The following SLC37A1 variants were observed in gnomAD, a reference collection of about 807,000 sequenced individuals.
SLC37A1 encodes the protein glucose-6-phosphate exchanger SLC37A1.
SLC37A1 carries 49 observed loss-of-function variants against 75.3 expected under a neutral mutation model. The observed-to-expected ratio is 0.65, with a 90% CI of 0.52 to 0.83. The LOEUF (loss-of-function observed/expected upper bound fraction) is 0.83, where lower values mean the gene tolerates loss of function less well. Among genes scored for constraint, SLC37A1 ranks in the 40% least tolerant of loss-of-function variants. SLC37A1 has a pLI of 0.00. For missense variants in SLC37A1, 566 were observed against 695.0 expected, an observed-to-expected ratio of 0.81 and a Z score of 2.09; for synonymous variants, 268 against 292.1, an observed-to-expected ratio of 0.92 and a Z score of 0.84.
intron 2 of SLC37A1, among the ~76,000 whole-genome samples, chr21:42,525,295 G>A (rs2054758177): frequency 6.6e-6 from 1 of 152,276 alleles, no homozygotes; most frequent in African/African-American, 2.4e-5. Flanking sequence ...GAACCACCCT[G>A]AGAGCCAGTT....
intron 17 of SLC37A1, among the ~76,000 whole-genome samples, chr21:42,571,906 CCGCCCACTG>C (rs1203427290): frequency 3.3e-5 from 5 of 152,194 alleles, no homozygotes; most frequent in African/African-American, 1.2e-4. Context: ...CAGCCTCACT[CCGCCCACTG>C]CGCGGCTTGG....
rs933079488 is a variant in SLC37A1, at chr21:42,545,372, TAGGG to T, written c.731-1727_731-1724del. Among the ~76,000 whole-genome samples the T allele has an allele frequency of 7.8e-4, 119 of 152,330 alleles. No individual in the cohort carries two copies. The highest frequency in any genetic ancestry group is 7.5e-3 in the Admixed American group (115 of 15,304). On this transcript the variant is annotated intron_variant, in intron 8 of 19. Transcript: ENST00000352133. This position sits in a 1 kb window ranked among gnomAD's most constrained non-coding sequence, Gnocchi z 4.0. ...TCTGAGAACAGGAGCTCTTTGCAGA[TAGGG>T]AGGAAACATCAAGTGCCCCTTGGTT...
rs776104698 is a variant in SLC37A1 at position 42,565,816 on chromosome 21, G to A, written c.1222-11G>A. ...AGCCATGGCTTTGACCTTGTGTCTTGATGTCCACAGCTCTACATCTTCTCC... is the reference window on the plus strand; with the variant it reads ...AGCCATGGCTTTGACCTTGTGTCTTAATGTCCACAGCTCTACATCTTCTCC... On this transcript the variant is annotated splice_polypyrimidine_tract_variant and intron_variant, in intron 14 of 19. Coordinates refer to ENST00000352133, the MANE Select transcript of SLC37A1 (RefSeq NM_001320537.2). The A allele has an allele frequency of 1.9e-6, 3 of 1,613,532 alleles. No homozygotes were observed. The highest frequency in any genetic ancestry group is 1.6e-4 in the Middle Eastern group (1 of 6,084).
At chr21:42,580,082 C>T (rs923053400) in intron 19 of SLC37A1, among the ~76,000 whole-genome samples, 3 of 151,916 alleles carry the variant, frequency 2.0e-5, no homozygotes, top group Admixed American at 6.6e-5. Flanking sequence ...CCTTCCTGCT[C>T]GCCCCCTTCT....
intron 19 of SLC37A1, 96 bp from the exon 20 acceptor site, chr21:42,580,249 T>A: frequency 7.0e-7 from 1 of 1,434,280 alleles, no homozygotes; most frequent in African/African-American, 1.4e-5. Context: ...GGCAGCTGGC[T>A]CCCCATAGGA....
intron 3 of SLC37A1, among the ~76,000 whole-genome samples, chr21:42,530,087 G>A (rs2054908634): frequency 6.6e-6 from 1 of 152,196 alleles, no homozygotes; most frequent in Non-Finnish European, 1.5e-5. Context: ...TAATAAGTAG[G>A]TAAAAGTTTG....
At position 42,534,785 on chromosome 21, in the gene SLC37A1, C is replaced by A. The variant is rs780378552; in HGVS notation, c.226C>A (p.His76Asn). 1.9e-6 allele frequency: 3 copies of A among 1,613,884 alleles called. No homozygotes were observed. The highest frequency in any genetic ancestry group is 1.3e-5 in the African/African-American group (1 of 74,918). ...CAGGAAGTCTGGGTCCGCTGCCCCC[C>A]ACCAGCTCCCTGACAATGAGACCGA... Reference protein sequence around the residue: ...QNRKSGSAAPHQLPDNETDCG... With the variant: ...QNRKSGSAAPNQLPDNETDCG... The change falls in exon 4 of 20, where the codon CAC becomes AAC. Residue 76 changes from histidine (H) to asparagine (N), a missense_variant. His to Asn is a moderately conservative substitution (Grantham distance 68). Transcript: ENST00000352133.
At chr21:42,504,853 G>A (rs1241545794) in intron 2 of SLC37A1, among the ~76,000 whole-genome samples, 1 of 152,012 alleles carries the variant, frequency 6.6e-6, no homozygotes, top group Non-Finnish European at 1.5e-5. Flanking sequence ...CTTAATGAAG[G>A]GCCCACTTGC....
At chr21:42,563,363 C>T (rs1288521735) in intron 12 of SLC37A1, among the ~76,000 whole-genome samples, 1 of 152,212 alleles carries the variant, frequency 6.6e-6, no homozygotes, top group Non-Finnish European at 1.5e-5. Context: ...GTTTCCTCTC[C>T]CACACCCGGC....
At chr21:42,503,018 A>G (rs2054353920) in intron 2 of SLC37A1, 2 of 152,208 alleles carry the variant, frequency 1.3e-5, no homozygotes. Context: ...TTTAAAATGC[A>G]TATATATGTC....
chr21:42,555,860 C>T (rs377012182), intron 10 of SLC37A1, among the ~76,000 whole-genome samples: 2 of 152,354 alleles, frequency 1.3e-5, no homozygotes, highest in Admixed American at 6.5e-5. Context: ...CGACCACAAC[C>T]GGGCGCATGC....
chr21:42,539,556 T>A lies in SLC37A1; in HGVS notation c.395T>A (p.Phe132Tyr), dbSNP rs931758756. Residue 132 changes from phenylalanine (F) to tyrosine (Y), a missense_variant, in exon 6 of 20, where the codon TTC becomes TAC. Phe to Tyr is a conservative substitution (Grantham distance 22). Transcript: ENST00000352133. ...CTGCCGATTAGGTATTACCTAACTT[T>A]CGGGATGCTCGCCAGCGGAGCCTTC... ...ERLPIRYYLT[F>Y]GMLASGAFTA... 1.2e-6 allele frequency: 2 copies of A among 1,614,032 alleles called. No homozygotes were observed. Among genetic ancestry groups the A allele is most frequent in the Non-Finnish European group, 1.7e-6 (2 of 1,179,964 alleles).
chr21:42,539,509 C>T lies in SLC37A1; in HGVS notation c.351-3C>T. ...TATTTGTCTTTCCTTCTCTCCACCT[C>T]AGTGGCATCATTGGGGAGCGCCTGC... is the stretch of plus-strand genomic sequence containing the variant. On this transcript the variant is annotated splice_polypyrimidine_tract_variant and splice_region_variant and intron_variant, in intron 5 of 19. Transcript: ENST00000352133. 1 of 1,610,234 alleles carries T rather than the reference C, an allele frequency of 6.2e-7. No individual in the cohort carries two copies. The highest frequency in any genetic ancestry group is 2.2e-5 in the East Asian group (1 of 44,566).
At position 42,543,337 on chromosome 21, in the gene SLC37A1, G is replaced by T. The variant is rs17115062; in HGVS notation, c.564-99G>T. On this transcript the variant is annotated intron_variant, in intron 7 of 19. Coordinates refer to ENST00000352133, the MANE Select transcript of SLC37A1 (RefSeq NM_001320537.2). ...CTGCATGGCCCCCCGTTGATTCTGCGCCGACTCCCTACTTTGCAGGCACTG... is the reference window on the plus strand; with the variant it reads ...CTGCATGGCCCCCCGTTGATTCTGCTCCGACTCCCTACTTTGCAGGCACTG... 2.2e-4 allele frequency: 311 copies of T among 1,399,012 alleles called. 1 individual carries two copies. The highest frequency in any genetic ancestry group is 3.0e-4 in the Non-Finnish European group (295 of 991,100). 86.7% of individuals were successfully genotyped at this position (1,399,012 alleles called of 1,614,324 possible).
At chr21:42,577,004 T>A (rs1336440635) in intron 18 of SLC37A1, among the ~76,000 whole-genome samples, 1 of 152,208 alleles carries the variant, frequency 6.6e-6, no homozygotes, top group Non-Finnish European at 1.5e-5. Flanking sequence ...AGCTGAGAAT[T>A]TTCCAGATAC....
At chr21:42,518,575 A>G (rs1198582353) in intron 2 of SLC37A1, 65 bp downstream of exon 2, 3 of 1,552,728 alleles carry the variant, frequency 1.9e-6, no homozygotes, top group Non-Finnish European at 2.7e-6. Context: ...CTGTGCAGGT[A>G]GTTGTGTTGC....
intron 17 of SLC37A1, among the ~76,000 whole-genome samples, chr21:42,573,514 C>T (rs1275958045): frequency 6.6e-6 from 1 of 151,978 alleles, no homozygotes; most frequent in Non-Finnish European, 1.5e-5. Context: ...GATTTATCAT[C>T]TTTAGAAGTC....
At chr21:42,543,300 C>T in intron 7 of SLC37A1, 136 bp from the exon 8 acceptor site, 3 of 993,572 alleles carry the variant, frequency 3.0e-6, no homozygotes, top group Non-Finnish European at 4.7e-6. Context: ...CTGCATGGCA[C>T]AGAAGCAGGG....
At chr21:42,518,179 G>A (rs1310949864) in intron 1 of SLC37A1, 98 bp from the exon 2 acceptor site, 1 of 469,836 alleles carries the variant, frequency 2.1e-6, no homozygotes, top group African/African-American at 2.0e-5. Context: ...ATCAGGACTG[G>A]GTACTGCTAC....
Sources: gnomAD v4.1 joint callset for allele counts (sites outside exome capture counted in the v4.1 genomes callset) on GRCh38, gnomAD v4.1.1 for gene constraint, Gnocchi (gnomAD v3.1) non-coding constraint, MANE v1.5 for transcripts, NCBI Gene and HGNC (gene_info 2026-07-23, HGNC 2026-07-21) for gene names.